AGBL4: variants seen among roughly 807,000 people sequenced by gnomAD.
The protein encoded by AGBL4 is cytosolic carboxypeptidase 6.
Under a neutral mutation model 66.4 loss-of-function variants are expected in AGBL4, and 58 were observed. The ratio of observed to expected loss-of-function variants is 0.87; its 90% CI spans 0.71 to 1.09. The LOEUF (loss-of-function observed/expected upper bound fraction) is 1.09. AGBL4 is among the 50% of genes least tolerant of loss of function. The pLI is 0.00. For synonymous variants in AGBL4, 234 were observed against 222.9 expected (o/e 1.05, Z -0.44); for missense variants, 579 against 631.0 (o/e 0.92, Z 0.88).
chr1:48,622,989 C>T (rs1223295926), intron 9 of AGBL4, among the ~76,000 whole-genome samples: 1 of 152,268 alleles, frequency 6.6e-6, no homozygotes, highest in African/African-American at 2.4e-5. Flanking sequence ...GATTTAAACG[C>T]GGGCCTGAGC....
chr1:49,584,573 C>CT (rs1203013987), intron 3 of AGBL4, among the ~76,000 whole-genome samples: 6 of 151,856 alleles, frequency 4.0e-5, no homozygotes, highest in African/African-American at 9.7e-5. Context: ...TGCTCAATTT[C>CT]TTTTTTTTCT....
chr1:49,447,896 G>A (rs549626642), intron 3 of AGBL4, among the ~76,000 whole-genome samples: 2 of 151,946 alleles, frequency 1.3e-5, no homozygotes, highest in Admixed American at 6.6e-5. Context: ...CATAATTTTG[G>A]TTCTTCTTTC....
At chr1:49,566,965 G>A (rs866735508) in intron 3 of AGBL4, among the ~76,000 whole-genome samples, 13 of 152,274 alleles carry the variant, frequency 8.5e-5, no homozygotes, top group South Asian at 8.3e-4. Flanking sequence ...CTTCCCTCTC[G>A]GCTGCTTTGT....
At chr1:49,425,027 C>T (rs915843520) in intron 3 of AGBL4, among the ~76,000 whole-genome samples, 1 of 152,058 alleles carries the variant, frequency 6.6e-6, no homozygotes, top group Admixed American at 6.5e-5. Flanking sequence ...TTTCAGGAGC[C>T]CCCTACTTGC....
At chr1:49,662,309 A>G (rs1336119410) in intron 3 of AGBL4, among the ~76,000 whole-genome samples, 1 of 151,868 alleles carries the variant, frequency 6.6e-6, no homozygotes, top group East Asian at 1.9e-4. Context: ...TAGAAATGGA[A>G]AGTGAAATAT....
chr1:49,877,278 T>C (rs1647043298), intron 1 of AGBL4, among the ~76,000 whole-genome samples: 1 of 151,128 alleles, frequency 6.6e-6, no homozygotes, highest in Non-Finnish European at 1.5e-5. Context: ...CCATTCAGTA[T>C]GATATTGGCT....
chr1:48,652,129 G>A (rs1645940440), intron 8 of AGBL4, among the ~76,000 whole-genome samples: 2 of 152,254 alleles, frequency 1.3e-5, no homozygotes, highest in South Asian at 2.1e-4. Flanking sequence ...TTGAATCCAG[G>A]AGGTTGAGGC....
At chr1:48,636,944 C>T (rs999654405) in intron 8 of AGBL4, among the ~76,000 whole-genome samples, 7 of 152,178 alleles carry the variant, frequency 4.6e-5, no homozygotes, top group Non-Finnish European at 1.0e-4. Flanking sequence ...AGCAATTCAT[C>T]ACGGTTTTAT....
At chr1:49,692,562 C>T (rs536940023) in intron 3 of AGBL4, among the ~76,000 whole-genome samples, 2 of 152,086 alleles carry the variant, frequency 1.3e-5, no homozygotes, top group Admixed American at 6.5e-5. Context: ...ACTAAAAATA[C>T]AAAAAATTAG....
At chr1:49,705,348 T>C (rs1005619281) in intron 2 of AGBL4, among the ~76,000 whole-genome samples, 3 of 152,162 alleles carry the variant, frequency 2.0e-5, no homozygotes, top group East Asian at 1.9e-4. Flanking sequence ...TTTCTAAATA[T>C]ACAGCCATGT....
chr1:49,605,818 C>T lies in AGBL4; in HGVS notation c.282+91495G>A, dbSNP rs111890281. Among the ~76,000 whole-genome samples, 321 of 151,844 alleles carry T rather than the reference C, an allele frequency of 2.1e-3. 4 individuals are homozygous for T. Among genetic ancestry groups the T allele is most frequent in the African/African-American group, 7.1e-3 (293 of 41,444 alleles). On this transcript the variant is annotated intron_variant, in intron 3 of 13. Transcript: ENST00000371839. ...GCTATTCCAAAAATTATACAGAAAG[C>T]GAAATACTAAAAGATAAACTGGATT...
At chr1:49,465,717 G>T (rs140328194) in intron 3 of AGBL4, among the ~76,000 whole-genome samples, 112 of 151,852 alleles carry the variant, frequency 7.4e-4, no homozygotes, top group African/African-American at 2.5e-3. Context: ...ATAAAGAGGT[G>T]GTTTGGTAAT....
intron 2 of AGBL4, among the ~76,000 whole-genome samples, chr1:49,698,482 A>C (rs1647028425): frequency 6.6e-6 from 1 of 152,118 alleles, no homozygotes; most frequent in African/African-American, 2.4e-5. Flanking sequence ...AGAGACCATT[A>C]CTATCCCCAT....
intron 4 of AGBL4, among the ~76,000 whole-genome samples, chr1:49,182,939 C>T (rs1257143933): frequency 6.6e-6 from 1 of 152,034 alleles, no homozygotes; most frequent in Non-Finnish European, 1.5e-5. Context: ...TTGAATGATG[C>T]CATTAAAGAA....
chr1:49,480,062 T>C (rs1259659285), intron 3 of AGBL4, among the ~76,000 whole-genome samples: 2 of 152,022 alleles, frequency 1.3e-5, no homozygotes, highest in African/African-American at 4.8e-5. Flanking sequence ...TGCCATGTCT[T>C]TGCTCTTGTG....
At chr1:49,370,602 T>G (rs1183290058) in intron 3 of AGBL4, among the ~76,000 whole-genome samples, 2 of 152,182 alleles carry the variant, frequency 1.3e-5, no homozygotes, top group Non-Finnish European at 2.9e-5. Flanking sequence ...ACCAAACAAT[T>G]TGCACCACAG....
chr1:48,711,626 G>C (rs1646968703), intron 6 of AGBL4, among the ~76,000 whole-genome samples: 1 of 152,074 alleles, frequency 6.6e-6, no homozygotes, highest in African/African-American at 2.4e-5. Context: ...TTGCCTGCCT[G>C]GGTCGAGTAT....
At position 49,315,924 on chromosome 1, in the gene AGBL4, C is replaced by T. The variant is rs140871282; in HGVS notation, c.283-70060G>A. Among the ~76,000 whole-genome samples, 313 of 152,084 alleles carry T rather than the reference C, an allele frequency of 2.1e-3. 5 individuals are homozygous for T. Among genetic ancestry groups the T allele is most frequent in the Admixed American group, 0.019 (286 of 15,238 alleles). On this transcript the variant is annotated intron_variant, in intron 3 of 13. Coordinates refer to ENST00000371839, the MANE Select transcript of AGBL4 (RefSeq NM_032785.4). ...TCTATTTATACAATGAAATGTAATT[C>T]AGTGCTACAAAGAAGAGCGCTATCA...
chr1:49,995,619 C>T (rs1465081804), intron 1 of AGBL4: 3 of 229,444 alleles, frequency 1.3e-5, no homozygotes, highest in Non-Finnish European at 2.7e-5. Context: ...CCCCAAACCA[C>T]AGCCTGAGAC....
Sources: gnomAD v4.1 joint callset for allele counts (sites outside exome capture counted in the v4.1 genomes callset) on GRCh38, gnomAD v4.1.1 for gene constraint, MANE v1.5 for transcripts, NCBI Gene and HGNC (gene_info 2026-07-23, HGNC 2026-07-21) for gene names.